SPPL2B: variants seen among roughly 807,000 people sequenced by gnomAD.
SPPL2B encodes the protein signal peptide peptidase-like 2B.
SPPL2B carries 39 observed loss-of-function variants against 59.7 expected under a neutral mutation model. The observed-to-expected ratio is 0.65, with a 90% CI of 0.51 to 0.85. SPPL2B has a LOEUF of 0.85. Among genes scored for constraint, SPPL2B ranks in the 40% least tolerant of loss-of-function variants. The pLI, the probability that SPPL2B is intolerant of heterozygous loss-of-function variation, is 0.00. For missense variants in SPPL2B, 865 were observed against 849.0 expected (o/e 1.02, Z -0.23); for synonymous variants, 419 against 370.8 (o/e 1.13, Z -1.49).
chr19:2,338,380 CGTAGTT>C, intron 3 of SPPL2B: 1 of 172,184 alleles, frequency 5.8e-6, no homozygotes. Flanking sequence ...ACGCTGCCGT[CGTAGTT>C]GAGAGAGGCC....
In SPPL2B at chr19:2,351,523, C is replaced by G. The variant is rs768124444; in HGVS notation, c.1444C>G (p.Leu482Val). 1 of 1,611,320 alleles carries G rather than the reference C, an allele frequency of 6.2e-7. No homozygotes were observed. Among genetic ancestry groups the G allele is most frequent in the East Asian group, 2.2e-5 (1 of 44,880 alleles). The change falls in exon 14 of 15, where the codon CTG (leucine) becomes GTG (valine). Residue 482 changes from leucine to valine, a missense_variant. Physicochemically the swap from Leu to Val is conservative, Grantham distance 32 (BLOSUM62 1). Coordinates refer to ENST00000613503, the MANE Select transcript of SPPL2B (RefSeq NM_152988.3). ...TCTCCTCTACCTGGTGCCCTGCACG[C>G]TGGTGACGAGCTGCGCTGTGGCGCT... ...PALLYLVPCT[L>V]VTSCAVALWR...
At chr19:2,336,790 T>TGG (rs1249271356) in intron 2 of SPPL2B, among the ~76,000 whole-genome samples, 18 of 143,568 alleles carry the variant, frequency 1.3e-4, no homozygotes, top group African/African-American at 5.0e-4. Context: ...AGCCTGGCTG[T>TGG]GGGTGTGTGT....
At chr19:2,343,753 G>A (rs564478104) in intron 9 of SPPL2B, among the ~76,000 whole-genome samples, 1 of 152,148 alleles carries the variant, frequency 6.6e-6, no homozygotes, top group African/African-American at 2.4e-5. Context: ...TTCCTGTTAC[G>A]TGGAGACTCT....
At chr19:2,350,322 C>CTT (rs1335874027) in intron 13 of SPPL2B, among the ~76,000 whole-genome samples, 2 of 149,868 alleles carry the variant, frequency 1.3e-5, no homozygotes, top group Admixed American at 6.7e-5. Flanking sequence ...ACTCCGTTCT[C>CTT]TCTCCACACA....
chr19:2,348,455 C>T (rs1969625149), intron 13 of SPPL2B, among the ~76,000 whole-genome samples: 1 of 143,116 alleles, frequency 7.0e-6, no homozygotes, highest in Admixed American at 6.9e-5. Context: ...CACTCATGCG[C>T]TGTCATTCGC....
At chr19:2,351,042 C>T (rs1969898729) in intron 13 of SPPL2B, among the ~76,000 whole-genome samples, 1 of 152,230 alleles carries the variant, frequency 6.6e-6, no homozygotes, top group African/African-American at 2.4e-5. Flanking sequence ...TGGTCAGGCA[C>T]ATGTGTCACC....
At chr19:2,339,264 C>G (rs1034043501) in intron 5 of SPPL2B, 56 bp downstream of exon 5, 11 of 1,559,652 alleles carry the variant, frequency 7.1e-6, no homozygotes, top group South Asian at 5.9e-5. Flanking sequence ...TGACACGGGC[C>G]GGGACGGCCA....
Position 2,340,175 on chromosome 19 carries a change from G to C in SPPL2B, c.839+3G>C. 2 of 1,559,382 alleles carry C rather than the reference G, an allele frequency of 1.3e-6. No homozygotes were observed. Among genetic ancestry groups the C allele is most frequent in the Non-Finnish European group, 1.7e-6 (2 of 1,160,180 alleles). ...CGGCTGCCCTTCGGCAAGTGCAGGT[G>C]AGTCTGCCCTGCTGGCCCCGACGTG... On this transcript the variant is annotated splice_donor_region_variant and intron_variant, in intron 7 of 14. Transcript: ENST00000613503.
intron 5 of SPPL2B, 152 bp from the exon 6 acceptor site, chr19:2,339,672 G>A: frequency 1.2e-6 from 1 of 827,920 alleles, no homozygotes; most frequent in Non-Finnish European, 1.9e-6. Flanking sequence ...CTGCCCTGGG[G>A]ACGTTCGGGG....
intron 2 of SPPL2B, among the ~76,000 whole-genome samples, 179 bp downstream of exon 2, chr19:2,334,900 A>G (rs995242532): frequency 1.3e-5 from 2 of 152,124 alleles, no homozygotes; most frequent in Non-Finnish European, 2.9e-5. Flanking sequence ...CTGGTCATCA[A>G]TGCAAGCTGT....
intron 2 of SPPL2B, among the ~76,000 whole-genome samples, chr19:2,336,712 G>A (rs553142954): frequency 1.1e-4 from 17 of 151,510 alleles, no homozygotes; most frequent in Middle Eastern, 3.5e-3. Flanking sequence ...GTGTGCTTGC[G>A]TGTGCATATG....
chr19:2,353,049 C>G lies in SPPL2B; in HGVS notation c.1619C>G (p.Pro540Arg). Residue 540 changes from proline to arginine, a missense_variant, in exon 15 of 15, where the codon CCA (proline) becomes CGA (arginine). By Grantham distance (103) the Pro-to-Arg change is moderately radical (BLOSUM62 -2). Coordinates refer to ENST00000613503, the MANE Select transcript of SPPL2B (RefSeq NM_152988.3). ...PLSPQPPSEE[P>R]ATSPWPAEQS... The stretch of plus-strand genomic sequence containing the variant: ...TCCCCGCAGCCGCCCAGCGAAGAAC[C>G]AGCCACATCCCCCTGGCCTGCTGAG... The G allele has an allele frequency of 6.2e-7, 1 of 1,612,146 alleles. No homozygotes were observed.
intron 1 of SPPL2B, among the ~76,000 whole-genome samples, chr19:2,331,368 G>A (rs1236607304): frequency 6.6e-6 from 1 of 152,238 alleles, no homozygotes; most frequent in Non-Finnish European, 1.5e-5. Context: ...AGGATTTGGA[G>A]GTCGAGGCTT....
chr19:2,350,062 A>G (rs1969814786), intron 13 of SPPL2B, among the ~76,000 whole-genome samples: 1 of 145,618 alleles, frequency 6.9e-6, no homozygotes, highest in African/African-American at 2.6e-5. Context: ...CTCTCTCCAC[A>G]CACTCACGCG....
rs370410270 is a variant in SPPL2B at position 2,351,586 on chromosome 19, G to A, written c.1507G>A (p.Gly503Ser). Residue 503 changes from glycine (G) to serine (S), a missense_variant, in exon 14 of 15, where the codon GGC (glycine) becomes AGC (serine). By Grantham distance (56) the Gly-to-Ser change is moderately conservative (BLOSUM62 0). Coordinates refer to ENST00000613503, the MANE Select transcript of SPPL2B (RefSeq NM_152988.3). The stretch of plus-strand genomic sequence containing the variant: ...GCTGGGCGTGTTCTGGACGGGCAGC[G>A]GCTTTGCGGTGAATACCAGTTTGCT... Reference protein sequence around the residue: ...RELGVFWTGSGFAKVLPPSPW... With the variant: ...RELGVFWTGSSFAKVLPPSPW... 2.5e-5 allele frequency: 41 copies of A among 1,609,280 alleles called. No individual in the cohort carries two copies. Among genetic ancestry groups the A allele is most frequent in the Non-Finnish European group, 3.2e-5 (38 of 1,177,872 alleles).
At position 2,343,976 on chromosome 19, in the gene SPPL2B, G is replaced by C. The variant is rs537237065; in HGVS notation, c.1050G>C (p.Leu350=). The change falls in exon 10 of 15, where the codon CTG becomes CTC. Residue 350 remains leucine, a synonymous_variant. Transcript: ENST00000613503. ...IRLPTFKACT[L]LLLVLFLYDI... ...CGTGGGCTTCGCAGGCCTGCACGCT[G>C]CTGCTGCTGGTGCTGTTCCTCTACG... The C allele has an allele frequency of 1.7e-5, 26 of 1,548,216 alleles. No individual in the cohort carries two copies. The East Asian group carries it at 6.4e-4, about 38-fold the overall frequency.
rs61740630 is a variant in SPPL2B, at chr19:2,352,966, G to A, written c.1536G>A (p.Pro512=). 25 of 1,611,898 alleles carry A rather than the reference G, an allele frequency of 1.6e-5. No individual in the cohort carries two copies. The East Asian group carries it at 3.6e-4, about 23-fold the overall frequency. The part of the protein sequence containing the change: ...SGFAKVLPPS[P]WAPAPADGPQ... ...TGTAGAAAGTCCTACCTCCATCTCC[G>A]TGGGCCCCAGCACCAGCCGACGGCC... The change falls in exon 15 of 15, where the codon CCG becomes CCA. Residue 512 remains proline, a synonymous_variant. Transcript: ENST00000613503.
chr19:2,343,945 C>G lies in SPPL2B; in HGVS notation c.1039-20C>G. 2.6e-6 allele frequency: 4 copies of G among 1,544,654 alleles called. No individual in the cohort carries two copies. Among genetic ancestry groups the G allele is most frequent in the Non-Finnish European group, 3.5e-6 (4 of 1,144,102 alleles). The stretch of plus-strand genomic sequence containing the variant: ...GGCACGGGCCGGGGTGGGGGCCGCC[C>G]TCAGCCGTGGGCTTCGCAGGCCTGC... On this transcript the variant is annotated intron_variant, in intron 9 of 14. Coordinates refer to ENST00000613503, the MANE Select transcript of SPPL2B (RefSeq NM_152988.3).
intron 9 of SPPL2B, 36 bp from the exon 10 acceptor site, chr19:2,343,929 C>A: frequency 6.7e-7 from 1 of 1,499,422 alleles, no homozygotes; most frequent in East Asian, 2.5e-5. Context: ...AGGCACGGGC[C>A]GGGGTGGGGG....
Sources: allele counts gnomAD v4.1 joint callset (sites outside exome capture counted in the v4.1 genomes callset), GRCh38; gene constraint gnomAD v4.1.1; transcripts MANE v1.5; gene names NCBI Gene and HGNC (gene_info 2026-07-23, HGNC 2026-07-21).